Variants in DACH2 observed in about 807,000 individuals in gnomAD.
DACH2 encodes the protein dachshund family transcription factor 2.
DACH2 carries 17 observed loss-of-function variants against 35.8 expected under a neutral mutation model. The ratio of observed to expected loss-of-function variants is 0.48; its 90% CI spans 0.33 to 0.71. The LOEUF (loss-of-function observed/expected upper bound fraction) is 0.71, where lower values mean the gene tolerates loss of function less well. Among genes scored for constraint, DACH2 ranks in the 30% least tolerant of loss-of-function variants. The probability of loss-of-function intolerance (pLI) is 0.02; values close to 1 mark genes in which losing one functional copy is unlikely to be tolerated. For missense variants in DACH2, 469 were observed against 472.7 expected, an observed-to-expected ratio of 0.99 and a Z score of 0.07; for synonymous variants, 195 against 177.3, an observed-to-expected ratio of 1.10 and a Z score of -0.79.
intron 1 of DACH2, among the ~76,000 whole-genome samples, chrX:86,374,693 C>T (rs1383862468): frequency 9.0e-6 from 1 of 110,975 alleles, no homozygotes; most frequent in Non-Finnish European, 1.9e-5. Context: ...CAGGCCTCTT[C>T]ATCATGACTT....
intron 1 of DACH2, among the ~76,000 whole-genome samples, chrX:86,160,096 A>C (rs1191152428): frequency 9.0e-6 from 1 of 111,512 alleles, no homozygotes; most frequent in East Asian, 2.8e-4. Flanking sequence ...CCTTCCTTCT[A>C]AAGATTTTAC....
intron 2 of DACH2, among the ~76,000 whole-genome samples, chrX:86,406,052 C>T (rs1165964972): frequency 3.6e-5 from 4 of 111,618 alleles, no homozygotes; most frequent in Admixed American, 9.5e-5. Flanking sequence ...CTGGGCCCCT[C>T]CCATGACACA....
chrX:86,291,652 C>G (rs1399043986), intron 1 of DACH2, among the ~76,000 whole-genome samples: 1 of 107,379 alleles, frequency 9.3e-6, no homozygotes, highest in African/African-American at 3.5e-5. Flanking sequence ...TAAATTTTGT[C>G]AAAGGCCTTT....
intron 3 of DACH2, among the ~76,000 whole-genome samples, chrX:86,552,105 G>A (rs2039057401): frequency 9.0e-6 from 1 of 111,525 alleles, no homozygotes. Context: ...ATTGATCTAT[G>A]AGTGTCTTGG....
chrX:86,496,138 CTA>C (rs1292436371), intron 2 of DACH2, among the ~76,000 whole-genome samples: 5 of 111,021 alleles, frequency 4.5e-5, no homozygotes, highest in Non-Finnish European at 7.5e-5. Context: ...TTGTTTATAA[CTA>C]TTATTATCAT....
intron 1 of DACH2, among the ~76,000 whole-genome samples, chrX:86,219,291 G>T (rs745320065): frequency 4.7e-4 from 52 of 111,290 alleles, no homozygotes; most frequent in African/African-American, 1.6e-3. Context: ...AGTGCAAAAA[G>T]ATTGTGACTA....
chrX:86,539,343 A>T (rs1469442306), intron 3 of DACH2, among the ~76,000 whole-genome samples: 1 of 111,599 alleles, frequency 9.0e-6, no homozygotes, highest in Non-Finnish European at 1.9e-5. Context: ...TGAGTCAATT[A>T]AACCTCTTTT....
At chrX:86,194,909 C>T (rs773603530) in intron 1 of DACH2, among the ~76,000 whole-genome samples, 2 of 112,630 alleles carry the variant, frequency 1.8e-5, no homozygotes, top group East Asian at 5.7e-4. Context: ...GTCTGCTGGC[C>T]TCTCCCGGGG....
At chrX:86,761,903 G>C (rs940414270) in intron 7 of DACH2, among the ~76,000 whole-genome samples, 45 of 84,461 alleles carry the variant, frequency 5.3e-4, no homozygotes, top group Non-Finnish European at 8.9e-4. Flanking sequence ...CCTCCACGTG[G>C]CTTGCTTAGA....
intron 1 of DACH2, among the ~76,000 whole-genome samples, chrX:86,274,492 G>GTTTTTTTTT (rs1162526523): frequency 8.2e-5 from 1 of 12,255 alleles, no homozygotes; most frequent in Non-Finnish European, 1.2e-4. Context: ...GAGTCTTTCT[G>GTTTTTTTTT]TTTTTTTTTT....
intron 4 of DACH2, among the ~76,000 whole-genome samples, chrX:86,685,037 A>G (rs2040925386): frequency 8.9e-6 from 1 of 112,072 alleles, no homozygotes; most frequent in South Asian, 3.7e-4. Flanking sequence ...ATCAAAACTG[A>G]TGACCTTTAC....
intron 6 of DACH2, among the ~76,000 whole-genome samples, chrX:86,730,259 T>C (rs2041518081): frequency 8.9e-6 from 1 of 111,818 alleles, no homozygotes; most frequent in Non-Finnish European, 1.9e-5. Flanking sequence ...GATATACAAA[T>C]CATACTTATT....
rs778368581 is a variant in DACH2 at position 86,304,601 on chromosome X, A to G, written c.489-72223A>G. The G allele has an allele frequency of 1.1e-4, 18 of 162,462 alleles. No individual in the cohort carries two copies. The South Asian group carries it at 2.1e-3, about 19-fold the overall frequency. The allele number at this position is 162,462 out of a possible 1,213,427, so 13.4% of individuals were successfully genotyped here. Reference sequence around the variant, plus strand: ...TCCTATGTCCTTCTCTGACCATCACATGGCCTGGCAGGACTCCTACCTCCG... The same window carrying G: ...TCCTATGTCCTTCTCTGACCATCACGTGGCCTGGCAGGACTCCTACCTCCG... On this transcript the variant is annotated intron_variant, in intron 1 of 11. Transcript: ENST00000373125.
intron 1 of DACH2, among the ~76,000 whole-genome samples, chrX:86,310,476 C>A (rs921929968): frequency 9.0e-6 from 1 of 111,314 alleles, no homozygotes; most frequent in African/African-American, 3.3e-5. Context: ...CAGCTCTGCA[C>A]GATATGCAGG....
chrX:86,165,482 C>T (rs1602246987), intron 1 of DACH2, among the ~76,000 whole-genome samples: 1 of 111,089 alleles, frequency 9.0e-6, no homozygotes, highest in South Asian at 3.8e-4. Context: ...TACATCCTCA[C>T]CAGTATTTAT....
intron 5 of DACH2, among the ~76,000 whole-genome samples, chrX:86,709,111 G>GA (rs2041250978): frequency 9.0e-6 from 1 of 111,347 alleles, no homozygotes; most frequent in Admixed American, 9.6e-5. Context: ...TATTGAACAA[G>GA]AAAAAATGTA....
intron 1 of DACH2, among the ~76,000 whole-genome samples, chrX:86,375,098 A>G (rs1393372760): frequency 1.8e-5 from 2 of 108,977 alleles, no homozygotes; most frequent in African/African-American, 6.6e-5. Context: ...CATTCCTTAC[A>G]TTGGACAAGA....
chrX:86,756,944 GAC>G (rs761734434), intron 7 of DACH2, among the ~76,000 whole-genome samples: 2 of 111,090 alleles, frequency 1.8e-5, no homozygotes, highest in Admixed American at 9.6e-5. Context: ...ATTATTAAAA[GAC>G]AGTGAATTTT....
intron 4 of DACH2, among the ~76,000 whole-genome samples, chrX:86,657,823 T>C (rs1315594661): frequency 1.8e-5 from 2 of 111,557 alleles, no homozygotes; most frequent in East Asian, 2.8e-4. Context: ...ATGACAGATA[T>C]AAAAACATGC....
Sources: gnomAD v4.1 joint callset for allele counts (sites outside exome capture counted in the v4.1 genomes callset) on GRCh38, gnomAD v4.1.1 for gene constraint, MANE v1.5 for transcripts, NCBI Gene and HGNC (gene_info 2026-07-23, HGNC 2026-07-21) for gene names.